Variants in LEKR1 observed in about 807,000 individuals in gnomAD.
LEKR1 encodes the protein protein LEKR1.
Under a neutral mutation model 72.4 loss-of-function variants are expected in LEKR1, and 59 were observed. The observed-to-expected ratio is 0.82, with a 90% CI of 0.66 to 1.01. The LOEUF (loss-of-function observed/expected upper bound fraction) is 1.01. Among genes scored for constraint, LEKR1 ranks in the 50% least tolerant of loss-of-function variants. The pLI, the probability that LEKR1 is intolerant of heterozygous loss-of-function variation, is 0.00. For missense variants in LEKR1, 728 were observed against 759.2 expected, an observed-to-expected ratio of 0.96 and a Z score of 0.48; for synonymous variants, 257 against 263.2, an observed-to-expected ratio of 0.98 and a Z score of 0.23.
chr3:156,927,447 C>G lies in LEKR1; in HGVS notation c.402C>G (p.Tyr134Ter). Residue 134 changes from tyrosine to a stop codon, truncating the protein, a stop_gained, in exon 5 of 13, where the codon TAC becomes TAG. Transcript: ENST00000356539. LOFTEE classifies it high-confidence loss of function. Reference sequence around the variant, plus strand: ...TTTGCAGTCAAAGATTGTCAGAGTACAAATATTTCTGGAATAAGACTCTTT... The same window carrying G: ...TTTGCAGTCAAAGATTGTCAGAGTAGAAATATTTCTGGAATAAGACTCTTT... ...SYIFSQRLSE[Y>*]KYFWNKTLSL... The G allele has an allele frequency of 1.8e-6, 2 of 1,105,934 alleles. No individual in the cohort carries two copies. The highest frequency in any genetic ancestry group is 3.5e-5 in the African/African-American group (2 of 57,540). 68.5% of individuals were successfully genotyped at this position (1,105,934 alleles called of 1,614,324 possible).
intron 3 of LEKR1, among the ~76,000 whole-genome samples, chr3:156,886,481 T>C (rs1472318645): frequency 6.6e-6 from 1 of 152,244 alleles, no homozygotes; most frequent in East Asian, 1.9e-4. Context: ...AGGAAATTTG[T>C]ACCCAGTCAG....
intron 9 of LEKR1, among the ~76,000 whole-genome samples, chr3:157,006,298 C>A (rs1356866302): frequency 3.3e-5 from 5 of 152,178 alleles, no homozygotes; most frequent in Non-Finnish European, 5.9e-5. Flanking sequence ...AGCCACCGCG[C>A]CCGGCCACTA....
intron 2 of LEKR1, among the ~76,000 whole-genome samples, chr3:156,838,020 G>A (rs1713379917): frequency 6.6e-6 from 1 of 152,176 alleles, no homozygotes; most frequent in Admixed American, 6.5e-5. Flanking sequence ...TTTTATTCCA[G>A]GCAGAGGAAA....
chr3:157,034,796 T>C (rs1352750846), intron 12 of LEKR1, among the ~76,000 whole-genome samples: 4 of 152,076 alleles, frequency 2.6e-5, no homozygotes, highest in African/African-American at 9.7e-5. Context: ...GCAAACATCA[T>C]TGTTGTCTTT....
At chr3:157,017,386 T>G (rs1402674136) in intron 10 of LEKR1, 2 of 152,230 alleles carry the variant, frequency 1.3e-5, no homozygotes, top group Non-Finnish European at 1.5e-5. Flanking sequence ...CTCTGTTGAT[T>G]ACCAGGGTTG....
intron 5 of LEKR1, among the ~76,000 whole-genome samples, chr3:156,933,276 G>A (rs1725413867): frequency 6.6e-6 from 1 of 151,992 alleles, no homozygotes; most frequent in Non-Finnish European, 1.5e-5. Flanking sequence ...ATTCATATAT[G>A]TCTTTTTTTG....
At chr3:157,025,977 G>A (rs1456231465) in intron 11 of LEKR1, among the ~76,000 whole-genome samples, 2 of 151,950 alleles carry the variant, frequency 1.3e-5, no homozygotes, top group Non-Finnish European at 2.9e-5. Context: ...TTGAACCCAG[G>A]AGTTCAAAGC....
chr3:156,934,287 G>T (rs745895353), intron 5 of LEKR1, among the ~76,000 whole-genome samples: 1 of 152,168 alleles, frequency 6.6e-6, no homozygotes, highest in Non-Finnish European at 1.5e-5. Context: ...AATTGAACCT[G>T]TCACATAGTA....
At chr3:156,987,444 G>A (rs1730788503) in intron 7 of LEKR1, among the ~76,000 whole-genome samples, 1 of 152,196 alleles carries the variant, frequency 6.6e-6, no homozygotes, top group African/African-American at 2.4e-5. Context: ...TTGGGAAAGT[G>A]TACATAACAG....
At chr3:157,043,091 C>G (rs1441005374) in intron 12 of LEKR1, among the ~76,000 whole-genome samples, 1 of 152,114 alleles carries the variant, frequency 6.6e-6, no homozygotes, top group Non-Finnish European at 1.5e-5. Context: ...AGGGCCTCCC[C>G]CCAACTCTCT....
intron 10 of LEKR1, among the ~76,000 whole-genome samples, chr3:157,024,209 A>G (rs1734040218): frequency 6.6e-6 from 1 of 152,216 alleles, no homozygotes; most frequent in Non-Finnish European, 1.5e-5. Context: ...CATAAGTCGA[A>G]CCATTGCAAG....
intron 1 of LEKR1, chr3:156,827,258 A>C (rs1711744525): frequency 6.6e-6 from 1 of 152,226 alleles, no homozygotes. Context: ...GCTTTTCTTG[A>C]GGACCTGGAA....
chr3:156,836,618 TCTC>T (rs1299398894), intron 2 of LEKR1, among the ~76,000 whole-genome samples: 2 of 152,236 alleles, frequency 1.3e-5, no homozygotes, highest in Non-Finnish European at 1.5e-5. Context: ...CCCTCAAAGG[TCTC>T]CTCCTAAGTG....
intron 3 of LEKR1, among the ~76,000 whole-genome samples, chr3:156,902,479 C>A (rs891850522): frequency 1.3e-5 from 2 of 151,918 alleles, no homozygotes; most frequent in African/African-American, 4.8e-5. Flanking sequence ...AATTTTAAAT[C>A]TTTTATAGAC....
In LEKR1 at chr3:156,920,706, G is replaced by A; in HGVS notation, c.383+12G>A. On this transcript the variant is annotated intron_variant, in intron 4 of 12. Transcript: ENST00000356539. ...TCATACATCTTCAGGTAAGATTAAA[G>A]AACTGAAAATTATAAAGATTGAAAA... 5 of 1,314,700 alleles carry A rather than the reference G, an allele frequency of 3.8e-6. No individual in the cohort carries two copies. Among genetic ancestry groups the A allele is most frequent in the Non-Finnish European group, 5.1e-6 (5 of 975,860 alleles). 81.4% of individuals were successfully genotyped at this position (1,314,700 alleles called of 1,614,324 possible).
chr3:156,911,998 T>C (rs1190092088), intron 3 of LEKR1, among the ~76,000 whole-genome samples: 3 of 152,096 alleles, frequency 2.0e-5, no homozygotes, highest in Non-Finnish European at 4.4e-5. Flanking sequence ...CTTTTTTTAT[T>C]CCATGTAAAT....
intron 9 of LEKR1, among the ~76,000 whole-genome samples, chr3:157,006,098 C>T (rs1244232141): frequency 1.3e-5 from 2 of 151,734 alleles, no homozygotes; most frequent in South Asian, 2.1e-4. Context: ...CTCCGCTTCC[C>T]GGGTTCACGC....
At chr3:156,954,840 G>T (rs1382631837) in intron 6 of LEKR1, among the ~76,000 whole-genome samples, 4 of 151,996 alleles carry the variant, frequency 2.6e-5, no homozygotes, top group African/African-American at 7.2e-5. Context: ...GGCTAGTCAG[G>T]CTCTTTTAGG....
chr3:156,854,338 G>T (rs1159842730), intron 3 of LEKR1, among the ~76,000 whole-genome samples: 3 of 151,018 alleles, frequency 2.0e-5, no homozygotes, highest in Non-Finnish European at 4.4e-5. Flanking sequence ...TAGAGACAGG[G>T]TTTCACCATG....
Sources: allele counts gnomAD v4.1 joint callset (sites outside exome capture counted in the v4.1 genomes callset), GRCh38; gene constraint gnomAD v4.1.1; transcripts MANE v1.5; gene names NCBI Gene and HGNC (gene_info 2026-07-23, HGNC 2026-07-21).